The following DSCAM variants were observed in gnomAD, a reference collection of about 807,000 sequenced individuals.
DSCAM encodes cell adhesion molecule DSCAM.
DSCAM carries 47 observed loss-of-function variants against 217.7 expected under a neutral mutation model. The ratio of observed to expected loss-of-function variants is 0.22; its 90% confidence interval spans 0.17 to 0.28. The LOEUF (loss-of-function observed/expected upper bound fraction) is 0.28. DSCAM is among the 10% of genes least tolerant of loss of function. The probability of loss-of-function intolerance (pLI) is 1.00; values close to 1 mark genes in which losing one functional copy is unlikely to be tolerated. For synonymous variants in DSCAM, 1,056 were observed against 1,015.3 expected, an observed-to-expected ratio of 1.04 and a Z score of -0.76; for missense variants, 2,080 against 2,618.3, an observed-to-expected ratio of 0.79 and a Z score of 4.49.
At chr21:40,206,391 G>C (rs1201952378) in intron 11 of DSCAM, among the ~76,000 whole-genome samples, 2 of 152,060 alleles carry the variant, frequency 1.3e-5, no homozygotes, top group Non-Finnish European at 2.9e-5. Flanking sequence ...TAGCACACGG[G>C]GGTAGGCCCG....
At position 40,104,173 on chromosome 21, in the gene DSCAM, TTATC is replaced by T. The variant is rs144005580; in HGVS notation, c.3697-10303_3697-10300del. ...ATTGTCATACCACCTGCCATGAAAA[TTATC>T]TATCTGTCAAAGTTACATTATTAAT... is the stretch of plus-strand genomic sequence containing the variant. On this transcript the variant is annotated intron_variant, in intron 20 of 32. Coordinates refer to ENST00000400454, the MANE Select transcript of DSCAM (RefSeq NM_001389.5). 4.8e-3 allele frequency among the ~76,000 whole-genome samples: 726 copies of T among 152,186 alleles called. 2 individuals are homozygous for T. The highest frequency in any genetic ancestry group is 0.017 in the African/African-American group (691 of 41,530).
intron 4 of DSCAM, among the ~76,000 whole-genome samples, chr21:40,361,746 T>G (rs1402724053): frequency 2.0e-5 from 3 of 152,256 alleles, no homozygotes; most frequent in Non-Finnish European, 4.4e-5. Context: ...ACAGTCAGTA[T>G]TACATAATAT....
At chr21:40,203,774 T>C (rs922934042) in intron 11 of DSCAM, among the ~76,000 whole-genome samples, 1 of 152,208 alleles carries the variant, frequency 6.6e-6, no homozygotes, top group Non-Finnish European at 1.5e-5. Flanking sequence ...TCTAATTACA[T>C]TGTACATTCC....
intron 8 of DSCAM, among the ~76,000 whole-genome samples, chr21:40,330,352 TAATA>T (rs1459949478): frequency 2.7e-5 from 4 of 146,508 alleles, no homozygotes; most frequent in African/African-American, 7.4e-5. Context: ...TATTTATATA[TAATA>T]AATTATGCAT....
chr21:40,652,867 C>T (rs2090033074), intron 3 of DSCAM, among the ~76,000 whole-genome samples: 1 of 152,180 alleles, frequency 6.6e-6, no homozygotes, highest in Non-Finnish European at 1.5e-5. Flanking sequence ...CTGGGCCACG[C>T]TGTGTCAGTT....
chr21:40,782,888 G>T (rs2091561353), intron 1 of DSCAM, among the ~76,000 whole-genome samples: 1 of 152,184 alleles, frequency 6.6e-6, no homozygotes, highest in Admixed American at 6.5e-5. Context: ...GTAAATTTTA[G>T]TTGAGAATTC....
chr21:40,029,039 C>A (rs1254809225), intron 32 of DSCAM, among the ~76,000 whole-genome samples: 1 of 152,042 alleles, frequency 6.6e-6, no homozygotes, highest in Non-Finnish European at 1.5e-5. Context: ...TTGTCTTCTT[C>A]CATAAGGGAT....
At chr21:40,704,924 G>C (rs1293203857) in intron 2 of DSCAM, among the ~76,000 whole-genome samples, 1 of 152,124 alleles carries the variant, frequency 6.6e-6, no homozygotes, top group Non-Finnish European at 1.5e-5. Context: ...GAGACATCAA[G>C]GGATGAGGAT....
chr21:40,513,121 G>C (rs1215614780), intron 3 of DSCAM: 2 of 152,184 alleles, frequency 1.3e-5, no homozygotes, highest in Admixed American at 1.3e-4. Context: ...GGCTGGTCTT[G>C]AACTCCCGAC....
chr21:40,655,463 G>C (rs200196868), intron 3 of DSCAM, among the ~76,000 whole-genome samples: 3 of 93,142 alleles, frequency 3.2e-5, no homozygotes, highest in Admixed American at 9.8e-5. Context: ...TTTTTTTTGA[G>C]ACAGGGTCTC....
intron 11 of DSCAM, among the ~76,000 whole-genome samples, chr21:40,208,407 T>C (rs1379349376): frequency 1.3e-5 from 2 of 152,202 alleles, no homozygotes; most frequent in Non-Finnish European, 2.9e-5. Flanking sequence ...TGAGCTGAGA[T>C]TGCGCCATTG....
Position 40,055,904 on chromosome 21 carries a change from C to T in DSCAM, c.4920-64G>A, listed in dbSNP as rs571311891. ...TCAGTGTTAACATTCTACCAACATG[C>T]ACCTGTATACCAACTTAGTTTATTG... On this transcript the variant is annotated intron_variant, in intron 28 of 32. Transcript: ENST00000400454. The T allele has an allele frequency of 1.3e-5, 16 of 1,187,832 alleles. No homozygotes were observed. The African/African-American group carries it at 2.2e-4, about 17-fold the overall frequency. The allele number at this position is 1,187,832 out of a possible 1,614,324, so 73.6% of individuals were successfully genotyped here. A position where few individuals can be genotyped will look rare whatever the true frequency, so the allele number is the denominator to read the frequency against.
At chr21:40,616,741 G>T (rs2089399450) in intron 3 of DSCAM, among the ~76,000 whole-genome samples, 1 of 152,178 alleles carries the variant, frequency 6.6e-6, no homozygotes, top group Admixed American at 6.5e-5. Flanking sequence ...TTATTGGCCG[G>T]GCGCGGTGGC....
rs1238069722 is a variant in DSCAM at position 40,532,017 on chromosome 21, G to A, written c.508+160793C>T. 1.4e-4 allele frequency among the ~76,000 whole-genome samples: 22 copies of A among 152,294 alleles called. 1 individual carries two copies. Among genetic ancestry groups the A allele is most frequent in the Non-Finnish European group, 2.2e-4 (15 of 68,030 alleles). ...AGATTCCAAAGCCTCATCATTTAAGGAGCTGCAATCTGTTCAAAGTAAATA... is the reference window on the plus strand; with the variant it reads ...AGATTCCAAAGCCTCATCATTTAAGAAGCTGCAATCTGTTCAAAGTAAATA... On this transcript the variant is annotated intron_variant, in intron 3 of 32. Coordinates refer to ENST00000400454, the MANE Select transcript of DSCAM (RefSeq NM_001389.5).
intron 3 of DSCAM, among the ~76,000 whole-genome samples, chr21:40,405,774 A>T (rs528043527): frequency 8.7e-4 from 132 of 152,314 alleles, no homozygotes; most frequent in African/African-American, 3.1e-3. Context: ...AGGCAGGTGG[A>T]TCACTTGAGG....
chr21:40,561,815 A>C (rs1202007374), intron 3 of DSCAM, among the ~76,000 whole-genome samples: 1 of 152,132 alleles, frequency 6.6e-6, no homozygotes, highest in Non-Finnish European at 1.5e-5. Context: ...TCCTGACATC[A>C]CTTAAGGGAA....
At chr21:40,762,139 G>T (rs1021646098) in intron 1 of DSCAM, among the ~76,000 whole-genome samples, 6 of 151,944 alleles carry the variant, frequency 3.9e-5, no homozygotes, top group African/African-American at 1.5e-4. Flanking sequence ...TTAGACACAT[G>T]AAAACACCTT....
At chr21:40,122,724 C>G (rs564464511) in intron 20 of DSCAM, among the ~76,000 whole-genome samples, 2 of 152,138 alleles carry the variant, frequency 1.3e-5, no homozygotes, top group Non-Finnish European at 2.9e-5. Context: ...TGACTATTTA[C>G]GTTTACATAT....
chr21:40,406,274 A>G (rs2075279129), intron 3 of DSCAM, among the ~76,000 whole-genome samples: 1 of 152,190 alleles, frequency 6.6e-6, no homozygotes, highest in African/African-American at 2.4e-5. Flanking sequence ...TAGAACTACC[A>G]TATGATCCAG....
Sources: gnomAD v4.1 joint callset for allele counts (sites outside exome capture counted in the v4.1 genomes callset) on GRCh38, gnomAD v4.1.1 for gene constraint, MANE v1.5 for transcripts, NCBI Gene and HGNC (gene_info 2026-07-23, HGNC 2026-07-21) for gene names.